The following FHL2 variants were observed in gnomAD, a reference collection of about 807,000 sequenced individuals.
FHL2 encodes the protein four and a half LIM domains 2, also known as four and a half LIM domains protein 2.
FHL2 carries 20 observed loss-of-function variants against 32.7 expected under a neutral mutation model. The observed-to-expected ratio is 0.61, with a 90% CI of 0.43 to 0.89. The LOEUF is 0.89. FHL2 is among the 40% of genes least tolerant of loss of function. The pLI is 0.00. For synonymous variants in FHL2, 123 were observed against 128.1 expected (o/e 0.96, Z 0.27); for missense variants, 311 against 358.6 (o/e 0.87, Z 1.07).
chr2:105,382,388 T>A (rs1333137767), intron 3 of FHL2, among the ~76,000 whole-genome samples: 2 of 152,188 alleles, frequency 1.3e-5, no homozygotes, highest in Non-Finnish European at 2.9e-5. Flanking sequence ...AGGTAGCAGG[T>A]GGCATCACAT....
intron 2 of FHL2, among the ~76,000 whole-genome samples, chr2:105,394,134 T>A (rs1573364024): frequency 6.6e-6 from 1 of 151,668 alleles, no homozygotes; most frequent in Non-Finnish European, 1.5e-5. Flanking sequence ...TTTATTTTCC[T>A]ACGGATGGGA....
At position 105,386,374 on chromosome 2, in the gene FHL2, C is replaced by T. The variant is rs1196386664; in HGVS notation, c.143G>A (p.Gly48Asp). The part of the protein sequence containing the change: ...NTCEECGKPI[G>D]CDCKDLSYKD... ...CGCAGCAGGTACCTTGCAGTCACAG[C>T]CGATGGGCTTCCCACACTCCTCGCA... The change falls in exon 3 of 7, where the codon GGC (glycine) becomes GAC (aspartate). Residue 48 changes from glycine to aspartate, a missense_variant. Gly to Asp is a moderately conservative substitution (Grantham distance 94). Coordinates refer to ENST00000530340, the MANE Select transcript of FHL2 (RefSeq NM_001318895.3). 6.2e-7 allele frequency: 1 copy of T among 1,613,988 alleles called. No homozygotes were observed. The highest frequency in any genetic ancestry group is 1.7e-4 in the Middle Eastern group (1 of 5,972).
At chr2:105,381,362 A>G (rs1017572871) in intron 3 of FHL2, among the ~76,000 whole-genome samples, 1 of 152,118 alleles carries the variant, frequency 6.6e-6, no homozygotes, top group African/African-American at 2.4e-5. Flanking sequence ...AACTCACTCA[A>G]TTACCCCGAC....
Position 105,436,650 on chromosome 2 carries a change from A to AT in FHL2, c.-25+1748dup, listed in dbSNP as rs1021716471. 1.3e-4 allele frequency among the ~76,000 whole-genome samples: 20 copies of AT among 152,104 alleles called. No homozygotes were observed. The East Asian group carries it at 1.4e-3, about 10-fold the overall frequency. ...TCACCTTAAAATATCTCATAGTGGT[A>AT]TTTTTTTAAAAAAAACGAATATTAA... On this transcript the variant is annotated intron_variant, in intron 1 of 5. Transcript: ENST00000393352.
At chr2:105,434,592 A>AAAC (rs1381083656) in intron 1 of FHL2, among the ~76,000 whole-genome samples, 1 of 151,598 alleles carries the variant, frequency 6.6e-6, no homozygotes, top group Non-Finnish European at 1.5e-5. Flanking sequence ...ACAAACAAAC[A>AAAC]AAAAAAACAA....
chr2:105,431,009 C>G (rs375172255), intron 1 of FHL2, among the ~76,000 whole-genome samples: 47 of 152,336 alleles, frequency 3.1e-4, no homozygotes, highest in African/African-American at 1.1e-3. Context: ...TCAAGCCTCC[C>G]ATATCACGAA....
At chr2:105,413,351 G>C (rs928694678) in intron 1 of FHL2, among the ~76,000 whole-genome samples, 1 of 152,004 alleles carries the variant, frequency 6.6e-6, no homozygotes, top group Non-Finnish European at 1.5e-5. Context: ...CTAACGAAAC[G>C]ATTTATTTTC....
At chr2:105,438,389 T>C (rs1684677004) in intron 1 of FHL2, 2 of 985,588 alleles carry the variant, frequency 2.0e-6, no homozygotes, top group South Asian at 4.7e-5. Flanking sequence ...GGGGAACCAG[T>C]GGCCCTTACC....
intron 1 of FHL2, among the ~76,000 whole-genome samples, chr2:105,427,002 A>T (rs1301510573): frequency 1.3e-5 from 2 of 152,228 alleles, no homozygotes; most frequent in Admixed American, 6.5e-5. Flanking sequence ...AGCCTAAAGG[A>T]TCAAACTAAG....
intron 3 of FHL2, chr2:105,378,263 C>G: frequency 2.2e-6 from 1 of 456,000 alleles, no homozygotes; most frequent in Non-Finnish European, 4.6e-6. Flanking sequence ...ACACTTGAAA[C>G]TGTCCCTCTA....
chr2:105,381,487 G>A (rs761376876), intron 3 of FHL2, among the ~76,000 whole-genome samples: 9 of 152,082 alleles, frequency 5.9e-5, no homozygotes, highest in Non-Finnish European at 7.3e-5. Context: ...ATTTGGTTCC[G>A]GGGTCCAGCC....
At chr2:105,431,242 G>T (rs898139555) in intron 1 of FHL2, among the ~76,000 whole-genome samples, 1 of 152,156 alleles carries the variant, frequency 6.6e-6, no homozygotes, top group African/African-American at 2.4e-5. Flanking sequence ...ACCACTCACT[G>T]CTGTAGGTAT....
intron 3 of FHL2, among the ~76,000 whole-genome samples, chr2:105,379,069 T>G (rs1573322157): frequency 6.6e-6 from 1 of 152,164 alleles, no homozygotes; most frequent in African/African-American, 2.4e-5. Context: ...GCTTGGTTAT[T>G]TCACCCTAGG....
At chr2:105,386,685 A>G in intron 2 of FHL2, 145 bp from the exon 3 acceptor site, 2 of 650,364 alleles carry the variant, frequency 3.1e-6, no homozygotes, top group South Asian at 2.3e-5. Context: ...TCACCCTTTA[A>G]TCGGTCATAA....
intron 4 of FHL2, among the ~76,000 whole-genome samples, chr2:105,369,788 T>C (rs1680894302): frequency 1.3e-5 from 2 of 152,208 alleles, no homozygotes; most frequent in Non-Finnish European, 2.9e-5. Context: ...TATGGGGCAA[T>C]TATGACTCTC....
chr2:105,401,724 T>C (rs1683472712), upstream of FHL2, among the ~76,000 whole-genome samples: 1 of 152,194 alleles, frequency 6.6e-6, no homozygotes, highest in South Asian at 2.1e-4. Flanking sequence ...ACGAGGTAAC[T>C]ATATTTACTG....
At position 105,412,941 on chromosome 2, in the gene FHL2, A is replaced by C. The variant is rs149020510; in HGVS notation, c.-25+25458T>G. 3.3e-3 allele frequency among the ~76,000 whole-genome samples: 499 copies of C among 152,244 alleles called. 2 individuals carry two copies. Among genetic ancestry groups the C allele is most frequent in the African/African-American group, 0.012 (484 of 41,532 alleles). The stretch of plus-strand genomic sequence containing the variant: ...ATGGAGGGTGTGGAGACGGTGATGT[A>C]AGAGGTCTGATGGGAAAAAAAGGAA... On this transcript the variant is annotated intron_variant, in intron 1 of 5. Coordinates refer to the FHL2 transcript ENST00000393352.
chr2:105,424,416 T>A (rs10202169), intron 1 of FHL2, among the ~76,000 whole-genome samples: 56,890 of 152,114 alleles, frequency 0.37, 11,361 homozygotes, highest in Admixed American at 0.48. Flanking sequence ...GGAGCACTTT[T>A]ACATTGTTGG....
intron 1 of FHL2, among the ~76,000 whole-genome samples, chr2:105,418,356 C>T (rs1361686856): frequency 6.6e-6 from 1 of 152,078 alleles, no homozygotes; most frequent in Admixed American, 6.5e-5. Flanking sequence ...GGGAAACACT[C>T]TCCCCAACAG....
Sources: gnomAD v4.1 joint callset for allele counts (sites outside exome capture counted in the v4.1 genomes callset) on GRCh38, gnomAD v4.1.1 for gene constraint, MANE v1.5 for transcripts, NCBI Gene and HGNC (gene_info 2026-07-23, HGNC 2026-07-21) for gene names.